The following RBL2 variants were observed in gnomAD, a reference collection of about 807,000 sequenced individuals.
RBL2 encodes retinoblastoma-like protein 2.
In RBL2, 56 loss-of-function variants were observed where a neutral mutation model predicts 126.0. The ratio of observed to expected loss-of-function variants is 0.44; its 90% CI spans 0.36 to 0.56. The LOEUF is 0.56. Ranked by LOEUF, RBL2 falls within the 20% of genes least tolerant of loss-of-function variation. The pLI is 0.00. For synonymous variants in RBL2, 454 were observed against 478.5 expected (o/e 0.95, Z 0.67); for missense variants, 1,229 against 1,398.2 (o/e 0.88, Z 1.93).
At chr16:53,446,880 A>G (rs143476168) in intron 3 of RBL2, among the ~76,000 whole-genome samples, 162 bp from the exon 4 acceptor site, 16 of 152,286 alleles carry the variant, frequency 1.1e-4, no homozygotes, top group Non-Finnish European at 1.5e-4. Flanking sequence ...TTTCCTACCA[A>G]TATTTTGTTA....
At chr16:53,450,463 A>C (rs1012060101) in intron 4 of RBL2, among the ~76,000 whole-genome samples, 2 of 152,230 alleles carry the variant, frequency 1.3e-5, no homozygotes, top group African/African-American at 4.8e-5. Context: ...TGATGATACA[A>C]GAATGTAAAA....
intron 2 of RBL2, among the ~76,000 whole-genome samples, chr16:53,439,968 AAAAAAAAAAAG>A (rs1018855390): frequency 6.6e-6 from 1 of 151,066 alleles, no homozygotes; most frequent in African/African-American, 2.4e-5. Flanking sequence ...AAAAAAAAAA[AAAAAAAAAAAG>A]AAGGTTACTA....
At position 53,462,643 on chromosome 16, in the gene RBL2, C is replaced by A; in HGVS notation, c.1548C>A (p.Asp516Glu). ...AGCAGGAACAAAAAAGACTAGGAGACATGGATTTATCTGTGAGTAAAATAA... is the reference window on the plus strand; with the variant it reads ...AGCAGGAACAAAAAAGACTAGGAGAAATGGATTTATCTGTGAGTAAAATAA... ...VIEQEQKRLG[D>E]MDLSGILEQD... Residue 516 changes from aspartate to glutamate, a missense_variant, in exon 11 of 22, where the codon GAC becomes GAA. Transcript: ENST00000262133. 6.5e-7 allele frequency: 1 copy of A among 1,539,520 alleles called. No individual in the cohort carries two copies. The highest frequency in any genetic ancestry group is 8.8e-7 in the Non-Finnish European group (1 of 1,137,854).
intron 1 of RBL2, among the ~76,000 whole-genome samples, chr16:53,435,221 C>T (rs993765079): frequency 5.3e-5 from 8 of 152,128 alleles, no homozygotes; most frequent in Non-Finnish European, 8.8e-5. Flanking sequence ...CAGGCGTCTC[C>T]GTCTGTTCGC....
chr16:53,475,436 A>T (rs1335900835), intron 17 of RBL2, among the ~76,000 whole-genome samples: 1 of 152,070 alleles, frequency 6.6e-6, no homozygotes, highest in East Asian at 1.9e-4. Context: ...GGCTGGTCTC[A>T]AACTCTTGGC....
intron 4 of RBL2, 150 bp from the exon 5 acceptor site, chr16:53,451,553 G>A: frequency 1.3e-6 from 1 of 745,182 alleles, no homozygotes; most frequent in South Asian, 2.3e-5. Context: ...AGAGTAATAT[G>A]TCAAAATGTA....
At chr16:53,464,425 G>C in intron 12 of RBL2, 62 bp downstream of exon 12, 1 of 1,354,574 alleles carries the variant, frequency 7.4e-7, no homozygotes. Flanking sequence ...CCTGTTGTTA[G>C]TCATTTAGTT....
intron 17 of RBL2, chr16:53,478,937 A>C: frequency 2.0e-6 from 1 of 510,584 alleles, no homozygotes; most frequent in Non-Finnish European, 3.5e-6. Context: ...GTCTTGATTC[A>C]CATACTATAG....
Position 53,470,667 on chromosome 16 carries a change from A to G in RBL2, c.2526+4A>G. 6.2e-7 allele frequency: 1 copy of G among 1,613,642 alleles called. No homozygotes were observed. Among genetic ancestry groups the G allele is most frequent in the East Asian group, 2.2e-5 (1 of 44,878 alleles). ...TTTATCGCTTTTCTTTAGAAAGGTAATTTTTCACATACCTTATCAGAGCAT... is the reference window on the plus strand; with the variant it reads ...TTTATCGCTTTTCTTTAGAAAGGTAGTTTTTCACATACCTTATCAGAGCAT... On this transcript the variant is annotated splice_donor_region_variant and intron_variant, in intron 16 of 21. Coordinates refer to ENST00000262133, the MANE Select transcript of RBL2 (RefSeq NM_005611.4).
At chr16:53,489,857 A>AAATT (rs1222786551) in intron 21 of RBL2, 1 of 275,570 alleles carries the variant, frequency 3.6e-6, no homozygotes, top group Non-Finnish European at 6.7e-6. Context: ...GTGAACTCAC[A>AAATT]AATTATAGAC....
intron 19 of RBL2, 86 bp downstream of exon 19, chr16:53,480,077 A>C: frequency 1.2e-6 from 1 of 855,458 alleles, no homozygotes; most frequent in South Asian, 1.7e-5. Flanking sequence ...AGCATTACTA[A>C]ATGAAATAAC....
At chr16:53,466,514 C>A (rs994512252) in intron 13 of RBL2, among the ~76,000 whole-genome samples, 13 of 151,788 alleles carry the variant, frequency 8.6e-5, no homozygotes, top group African/African-American at 2.7e-4. Flanking sequence ...ATGGTCCCAT[C>A]TGGGGGCGGT....
rs13337399 is a variant in RBL2 at position 53,471,594 on chromosome 16, G to A, written c.2703+672G>A. Among the ~76,000 whole-genome samples, 1,288 of 151,898 alleles carry A rather than the reference G, an allele frequency of 8.5e-3. 9 individuals are homozygous for A. The highest frequency in any genetic ancestry group is 0.045 in the Middle Eastern group (13 of 292). ...AGCGATTCTCCTGTCGTAGCCTCCC[G>A]AGTAGCTGGGATTACAGCCATGTGC... On this transcript the variant is annotated intron_variant, in intron 17 of 21. Transcript: ENST00000262133.
chr16:53,481,593 C>G lies in RBL2; in HGVS notation c.3085-78C>G. ...ATAAAACTACTGGTTTAGCACACCT[C>G]TTCACTCAATAATCATTTTCAGTAA... On this transcript the variant is annotated intron_variant, in intron 20 of 21. Transcript: ENST00000262133. The G allele has an allele frequency of 3.9e-6, 5 of 1,292,130 alleles. No individual in the cohort carries two copies. In the South Asian group the frequency reaches 7.6e-5, roughly 20 times the overall value. The allele number at this position is 1,292,130 out of a possible 1,614,324, so 80.0% of individuals were successfully genotyped here. A position where few individuals can be genotyped will look rare whatever the true frequency, so the allele number is the denominator to read the frequency against.
intron 4 of RBL2, among the ~76,000 whole-genome samples, chr16:53,451,465 C>T (rs189025642): frequency 6.6e-6 from 1 of 152,086 alleles, no homozygotes; most frequent in East Asian, 1.9e-4. Flanking sequence ...ATGATCATAC[C>T]ACTGTACTCC....
At chr16:53,484,128 A>G (rs942025563) in intron 21 of RBL2, among the ~76,000 whole-genome samples, 2 of 152,236 alleles carry the variant, frequency 1.3e-5, no homozygotes, top group Admixed American at 1.3e-4. Flanking sequence ...ACCTGGAAAC[A>G]TAAATTGGCA....
rs563864800 is a variant in RBL2, at chr16:53,456,347, G to T, written c.1179+1505G>T. ...GAGTGACTGATTTACATTTTTAAAG[G>T]TCTTCTGGGAAAGTGGGATTAGAGG... On this transcript the variant is annotated intron_variant, in intron 8 of 21. Coordinates refer to ENST00000262133, the MANE Select transcript of RBL2 (RefSeq NM_005611.4). 3.9e-5 allele frequency among the ~76,000 whole-genome samples: 6 copies of T among 152,224 alleles called. No homozygotes were observed. The East Asian group carries it at 1.2e-3, about 29-fold the overall frequency.
chr16:53,481,418 TC>T (rs1384155242), intron 20 of RBL2: 3 of 369,194 alleles, frequency 8.1e-6, no homozygotes, highest in African/African-American at 6.4e-5. Context: ...TATAACTAGT[TC>T]CTAGCATATG....
chr16:53,485,500 T>G (rs760838400), intron 21 of RBL2, among the ~76,000 whole-genome samples: 36 of 152,066 alleles, frequency 2.4e-4, no homozygotes, highest in Non-Finnish European at 4.6e-4. Context: ...GTAGAAAAAG[T>G]GTAGGACTCA....
Sources: gnomAD v4.1 joint callset for allele counts (sites outside exome capture counted in the v4.1 genomes callset) on GRCh38, gnomAD v4.1.1 for gene constraint, MANE v1.5 for transcripts, NCBI Gene and HGNC (gene_info 2026-07-23, HGNC 2026-07-21) for gene names.